The following SCAND3 variants were observed in gnomAD, a reference collection of about 807,000 sequenced individuals.
SCAND3 encodes the protein SCAN domain containing 3.
the SCAND3 span, chr6:28,590,180 T>C: frequency 1.3e-5 from 2 of 152,292 alleles, no homozygotes; most frequent in Non-Finnish European, 2.9e-5. Flanking sequence ...GCCCTACAAC[T>C]TGTGTGGGAG....
At chr6:28,593,932 T>C in the SCAND3 span, among the ~76,000 whole-genome samples, 3 of 152,146 alleles carry the variant, frequency 2.0e-5, no homozygotes, top group East Asian at 3.9e-4. Context: ...TCTCAAACAC[T>C]TGGGTTCGAA....
chr6:28,595,353 A>AAAAAAAG, the SCAND3 span, among the ~76,000 whole-genome samples: 2 of 144,646 alleles, frequency 1.4e-5, no homozygotes, highest in African/African-American at 5.0e-5. Context: ...AAAAAAAAAA[A>AAAAAAAG]AAGAAGAAGA....
chr6:28,592,473 ATTAAT>A, the SCAND3 span, among the ~76,000 whole-genome samples: 1 of 152,214 alleles, frequency 6.6e-6, no homozygotes, highest in African/African-American at 2.4e-5. The surrounding 1 kb of genome is among the most constrained non-coding windows in gnomAD (Gnocchi z 4.1). Flanking sequence ...TCATGAAAGA[ATTAAT>A]ATCGTTAAAA....
At chr6:28,571,939 C>T in the SCAND3 span, 1 of 1,613,102 alleles carries the variant, frequency 6.2e-7, no homozygotes, top group East Asian at 2.2e-5. Context: ...TTGCTTCTTG[C>T]TTGTTAATTT....
At chr6:28,586,652 A>G in the SCAND3 span, 2 of 1,614,050 alleles carry the variant, frequency 1.2e-6, no homozygotes, top group Non-Finnish European at 1.7e-6. This position sits in a 1 kb window ranked among gnomAD's most constrained non-coding sequence, Gnocchi z 4.4. Flanking sequence ...TTACTTTGAT[A>G]ATCTCCCCTT....
chr6:28,575,193 C>T, the SCAND3 span: 3 of 1,614,040 alleles, frequency 1.9e-6, no homozygotes, highest in South Asian at 3.3e-5. The surrounding 1 kb of genome is among the most constrained non-coding windows in gnomAD (Gnocchi z 4.2). Context: ...GATTTTGGGA[C>T]ATCTGAATGA....
the SCAND3 span, among the ~76,000 whole-genome samples, chr6:28,594,671 A>G: frequency 1.3e-5 from 2 of 152,234 alleles, no homozygotes; most frequent in Non-Finnish European, 2.9e-5. Flanking sequence ...AAAATGTGCT[A>G]TATATACAAT....
At chr6:28,579,177 A>G in the SCAND3 span, 1 of 1,134,396 alleles carries the variant, frequency 8.8e-7, no homozygotes, top group East Asian at 2.4e-5. The surrounding 1 kb of genome is among the most constrained non-coding windows in gnomAD (Gnocchi z 4.5). Context: ...TACATTCAGT[A>G]GAAGCTGAAA....
At chr6:28,576,231 T>A in the SCAND3 span, 1 of 926,872 alleles carries the variant, frequency 1.1e-6, no homozygotes, top group Non-Finnish European at 1.6e-6. Context: ...GAGGTAGAAG[T>A]AGGGAATATG....
the SCAND3 span, among the ~76,000 whole-genome samples, chr6:28,601,275 T>G: frequency 6.6e-6 from 1 of 152,120 alleles, no homozygotes; most frequent in Non-Finnish European, 1.5e-5. Context: ...TCAAATTACA[T>G]AATGCTTAGA....
At chr6:28,581,020 A>G in the SCAND3 span, among the ~76,000 whole-genome samples, 1 of 152,062 alleles carries the variant, frequency 6.6e-6, no homozygotes, top group Admixed American at 6.6e-5. Flanking sequence ...TCAGTATTCA[A>G]TTCCTGGGTT....
the SCAND3 span, among the ~76,000 whole-genome samples, chr6:28,583,083 G>A: frequency 3.4e-4 from 51 of 151,632 alleles, no homozygotes; most frequent in Non-Finnish European, 6.8e-4. Flanking sequence ...AAGGGTGGAA[G>A]GATATAATCA....
the SCAND3 span, among the ~76,000 whole-genome samples, chr6:28,613,139 T>G: frequency 6.6e-6 from 1 of 152,196 alleles, no homozygotes; most frequent in Non-Finnish European, 1.5e-5. Flanking sequence ...ATATGCGCAG[T>G]ATAGCAAAGT....
At chr6:28,575,203 A>C in the SCAND3 span, 1 of 1,614,072 alleles carries the variant, frequency 6.2e-7, no homozygotes, top group South Asian at 1.1e-5. This position sits in a 1 kb window ranked among gnomAD's most constrained non-coding sequence, Gnocchi z 4.2. Context: ...CATCTGAATG[A>C]ACCACAAAAA....
the SCAND3 span, chr6:28,589,659 CAA>C: frequency 6.6e-6 from 1 of 152,136 alleles, no homozygotes; most frequent in South Asian, 2.1e-4. Context: ...GGTTTGGAGA[CAA>C]AGAGAAAGAT....
At chr6:28,576,458 C>T in the SCAND3 span, among the ~76,000 whole-genome samples, 1 of 152,088 alleles carries the variant, frequency 6.6e-6, no homozygotes, top group Non-Finnish European at 1.5e-5. Context: ...TGGGGTTTCA[C>T]CATGTTGGCC....
At chr6:28,583,066 G>C in the SCAND3 span, among the ~76,000 whole-genome samples, 7 of 151,974 alleles carry the variant, frequency 4.6e-5, no homozygotes, top group Non-Finnish European at 7.4e-5. Flanking sequence ...GTGAGGAAAG[G>C]GGGGGCAAGG....
chr6:28,596,856 G>A, the SCAND3 span, among the ~76,000 whole-genome samples: 1 of 152,106 alleles, frequency 6.6e-6, no homozygotes, highest in African/African-American at 2.4e-5. Context: ...TTTAAAGTTA[G>A]CAAAGAGTAA....
chr6:28,572,452 C>T, the SCAND3 span: 2 of 1,612,678 alleles, frequency 1.2e-6, no homozygotes, highest in East Asian at 2.2e-5. The surrounding 1 kb of genome is among the most constrained non-coding windows in gnomAD (Gnocchi z 4.1). Flanking sequence ...TGTAGAAATT[C>T]TGTTTTTCCA....
Sources: allele counts gnomAD v4.1 joint callset (sites outside exome capture counted in the v4.1 genomes callset), GRCh38; gene constraint gnomAD v4.1.1; non-coding constraint Gnocchi (gnomAD v3.1); transcripts MANE v1.5; gene names NCBI Gene and HGNC (gene_info 2026-07-23, HGNC 2026-07-21).